The following PDE1A variants were observed in gnomAD, a reference collection of about 807,000 sequenced individuals.
The protein encoded by PDE1A is phosphodiesterase 1A.
PDE1A carries 35 observed loss-of-function variants against 61.7 expected under a neutral mutation model. The observed-to-expected ratio is 0.57, with a 90% CI of 0.43 to 0.75. The LOEUF (loss-of-function observed/expected upper bound fraction) is 0.75. PDE1A is among the 30% of genes least tolerant of loss of function. PDE1A has a pLI of 0.00. For synonymous variants in PDE1A, 232 were observed against 213.2 expected (o/e 1.09, Z -0.77); for missense variants, 597 against 630.6 (o/e 0.95, Z 0.57).
chr2:182,173,114 G>T (rs17457164), intron 13 of PDE1A, among the ~76,000 whole-genome samples: 41,435 of 151,796 alleles, frequency 0.27, 6,240 homozygotes, highest in Non-Finnish European at 0.33. Context: ...TACTTGGCTT[G>T]TCCTGACCAT....
chr2:182,597,069 C>T, the PDE1A span, among the ~76,000 whole-genome samples: 2 of 151,856 alleles, frequency 1.3e-5, no homozygotes, highest in Admixed American at 1.3e-4. Flanking sequence ...GGGAAGATCA[C>T]CTGAGCCTGG....
chr2:182,455,857 G>A (rs1685881131), intron 2 of PDE1A, among the ~76,000 whole-genome samples: 1 of 151,410 alleles, frequency 6.6e-6, no homozygotes, highest in South Asian at 2.1e-4. Context: ...GTATACATAT[G>A]TAACAAACCT....
chr2:182,213,139 AC>A (rs889811840), intron 7 of PDE1A, among the ~76,000 whole-genome samples: 7 of 149,836 alleles, frequency 4.7e-5, no homozygotes, highest in Non-Finnish European at 8.9e-5. Flanking sequence ...ACTGGGAGGC[AC>A]CCCCCAGCAG....
chr2:182,467,827 G>A (rs1261278629), intron 2 of PDE1A, among the ~76,000 whole-genome samples: 1 of 151,848 alleles, frequency 6.6e-6, no homozygotes, highest in African/African-American at 2.4e-5. Flanking sequence ...AAACATTGCA[G>A]GTTCAGTTCT....
chr2:182,382,233 A>G (rs1171615438), intron 1 of PDE1A, among the ~76,000 whole-genome samples: 1 of 152,244 alleles, frequency 6.6e-6, no homozygotes, highest in Non-Finnish European at 1.5e-5. Context: ...GTCCTTTAAA[A>G]GCAGAGTTTT....
At chr2:182,195,724 T>C (rs1686082390) in intron 10 of PDE1A, among the ~76,000 whole-genome samples, 1 of 152,074 alleles carries the variant, frequency 6.6e-6, no homozygotes, top group African/African-American at 2.4e-5. Context: ...AAGTGCTGTT[T>C]TCACTGTCCG....
chr2:182,600,200 CT>C, the PDE1A span, among the ~76,000 whole-genome samples: 16 of 152,084 alleles, frequency 1.1e-4, 1 homozygote, highest in African/African-American at 2.9e-4. Flanking sequence ...AATGCTCCTG[CT>C]TTTTTTGTCA....
intron 1 of PDE1A, among the ~76,000 whole-genome samples, chr2:182,285,172 C>A (rs920977449): frequency 6.6e-6 from 1 of 152,156 alleles, no homozygotes; most frequent in Non-Finnish European, 1.5e-5. Flanking sequence ...GCCATCCTGA[C>A]TTCTGCACAG....
chr2:182,588,224 T>C, the PDE1A span, among the ~76,000 whole-genome samples: 1 of 152,208 alleles, frequency 6.6e-6, no homozygotes, highest in Admixed American at 6.5e-5. Context: ...AAGAGAGCGC[T>C]GGGTAAAATA....
At chr2:182,246,025 CCT>C (rs1021269511) in intron 2 of PDE1A, among the ~76,000 whole-genome samples, 8 of 152,210 alleles carry the variant, frequency 5.3e-5, no homozygotes, top group South Asian at 2.1e-4. Context: ...GCTCCTGACC[CCT>C]GTCAGTCTCT....
chr2:182,354,942 A>G (rs754180475), intron 1 of PDE1A, among the ~76,000 whole-genome samples: 65 of 152,158 alleles, frequency 4.3e-4, no homozygotes, highest in Non-Finnish European at 8.7e-4. Flanking sequence ...GAACCAAAGT[A>G]TTTTTAATAA....
the PDE1A span, among the ~76,000 whole-genome samples, chr2:182,607,812 C>A: frequency 6.6e-6 from 1 of 152,138 alleles, no homozygotes; most frequent in African/African-American, 2.4e-5. Flanking sequence ...ACCTTGGGAA[C>A]GGCACCTGTG....
At chr2:182,426,769 G>A (rs769366419) in exon 1 of PDE1A, 1 of 1,486,922 alleles carries the variant, frequency 6.7e-7, no homozygotes, top group South Asian at 1.4e-5. Flanking sequence ...TTTGGGTGCT[G>A]GGAGAAAACT....
At chr2:182,608,888 T>C in the PDE1A span, among the ~76,000 whole-genome samples, 1 of 152,198 alleles carries the variant, frequency 6.6e-6, no homozygotes, top group Non-Finnish European at 1.5e-5. Context: ...GTTGAATCTT[T>C]ATGTCTAGCT....
Position 182,502,304 on chromosome 2 carries a change from ACT to A in PDE1A, c.101+19970_101+19971del, listed in dbSNP as rs1275033936. On this transcript the variant is annotated intron_variant, in intron 2 of 14. Coordinates refer to the PDE1A transcript ENST00000410103. ...ACATAAGTCCCCTTACTGCTCACCT[ACT>A]CTCTTTCGTGTGTGTGTGTGTGTGT... Among the ~76,000 whole-genome samples, 6 of 146,416 alleles carry A rather than the reference ACT, an allele frequency of 4.1e-5. No homozygotes were observed. The South Asian group carries it at 9.0e-4, about 22-fold the overall frequency.
the PDE1A span, among the ~76,000 whole-genome samples, chr2:182,631,307 T>A: frequency 0.49 from 74,278 of 151,210 alleles, 18,957 homozygotes; most frequent in Admixed American, 0.62. Flanking sequence ...TTAATTAATT[T>A]ATTCATTTAT....
chr2:182,412,030 C>T (rs1400414054), intron 1 of PDE1A, among the ~76,000 whole-genome samples: 3 of 149,638 alleles, frequency 2.0e-5, no homozygotes, highest in African/African-American at 7.4e-5. Flanking sequence ...TGCACTCCAG[C>T]CTGGGCAATG....
At chr2:182,256,922 C>T (rs1691863613) in intron 2 of PDE1A, among the ~76,000 whole-genome samples, 1 of 152,204 alleles carries the variant, frequency 6.6e-6, no homozygotes, top group African/African-American at 2.4e-5. Context: ...CTAATTTCTT[C>T]ACGAAGCCAT....
intron 2 of PDE1A, among the ~76,000 whole-genome samples, chr2:182,518,069 TG>T (rs1380928807): frequency 2.6e-5 from 4 of 152,156 alleles, no homozygotes; most frequent in Non-Finnish European, 5.9e-5. Context: ...AAGATCAAGC[TG>T]GTATACAGTG....
Sources: allele counts gnomAD v4.1 joint callset (sites outside exome capture counted in the v4.1 genomes callset), GRCh38; gene constraint gnomAD v4.1.1; transcripts MANE v1.5; gene names NCBI Gene and HGNC (gene_info 2026-07-23, HGNC 2026-07-21).